The following SPOCK2 variants were observed in gnomAD, a reference collection of about 807,000 sequenced individuals.
The protein encoded by SPOCK2 is SPARC (osteonectin), cwcv and kazal like domains proteoglycan 2.
A neutral mutation model predicts 60.1 loss-of-function variants in SPOCK2; 39 were observed. The ratio of observed to expected loss-of-function variants is 0.65; its 90% CI spans 0.50 to 0.85. SPOCK2 has a LOEUF of 0.85. Ranked by LOEUF, SPOCK2 falls within the 40% of genes least tolerant of loss-of-function variation. The probability of loss-of-function intolerance (pLI) is 0.00; values close to 1 mark genes in which losing one functional copy is unlikely to be tolerated. For synonymous variants in SPOCK2, 217 were observed against 231.5 expected (o/e 0.94, Z 0.57); for missense variants, 523 against 567.4 (o/e 0.92, Z 0.80).
At chr10:72,074,380 T>G (rs1052759484) in intron 1 of SPOCK2, among the ~76,000 whole-genome samples, 4 of 151,260 alleles carry the variant, frequency 2.6e-5, no homozygotes, top group Admixed American at 2.6e-4. Flanking sequence ...GAGTGCATGC[T>G]TCTGCATGTG....
At chr10:72,073,047 G>A (rs1023113812) in intron 1 of SPOCK2, 137 bp from the exon 2 acceptor site, 10 of 1,216,336 alleles carry the variant, frequency 8.2e-6, no homozygotes, top group African/African-American at 4.5e-5. Flanking sequence ...AATGGCCTTC[G>A]ATGGCTGTGT....
At chr10:72,066,780 G>C in intron 8 of SPOCK2, 122 bp downstream of exon 8, 1 of 1,121,548 alleles carries the variant, frequency 8.9e-7, no homozygotes, top group Non-Finnish European at 1.3e-6. Flanking sequence ...GGGCAAGCTG[G>C]GAAAGTGCTG....
At chr10:72,064,706 T>C (rs1439314857) in intron 8 of SPOCK2, among the ~76,000 whole-genome samples, 1 of 152,162 alleles carries the variant, frequency 6.6e-6, no homozygotes, top group Non-Finnish European at 1.5e-5. Context: ...TTTTCTATGC[T>C]TAGTTATGTT....
rs1840511472 is a variant in SPOCK2 at position 72,062,810 on chromosome 10, C to T, written c.1225G>A (p.Glu409Lys). ...ETEEAGEEAEEEEGEAGEADD... is the reference protein window; with the variant it reads ...ETEEAGEEAEKEEGEAGEADD... The stretch of plus-strand genomic sequence containing the variant: ...GCCTCGCCTGCCTCGCCCTCCTCCT[C>T]CTCGGCCTCCTCGCCTGCTTCCTCC... The change falls in exon 11 of 11, where the codon GAG (glutamate) becomes AAG (lysine). Residue 409 changes from glutamate to lysine, a missense_variant. Transcript: ENST00000373109. This position sits in a 1 kb window ranked among gnomAD's most constrained non-coding sequence, Gnocchi z 4.3. The T allele has an allele frequency of 1.2e-6, 2 of 1,609,928 alleles. No homozygotes were observed. The highest frequency in any genetic ancestry group is 1.7e-5 in the Admixed American group (1 of 59,930).
chr10:72,081,145 G>A (rs1354841632), intron 1 of SPOCK2, among the ~76,000 whole-genome samples: 1 of 152,238 alleles, frequency 6.6e-6, no homozygotes, highest in Non-Finnish European at 1.5e-5. Flanking sequence ...GCCACAAGAG[G>A]AGTGGGGTTG....
At chr10:72,066,866 G>T (rs1018203877) in intron 8 of SPOCK2, 36 bp downstream of exon 8, 1 of 1,611,972 alleles carries the variant, frequency 6.2e-7, no homozygotes, top group Non-Finnish European at 8.5e-7. Flanking sequence ...AGCCCACACG[G>T]GTGAGGCAGG....
chr10:72,068,983 A>T (rs902682717), intron 5 of SPOCK2: 1 of 152,544 alleles, frequency 6.6e-6, no homozygotes, highest in Non-Finnish European at 1.5e-5. Flanking sequence ...AGCAGAGAAC[A>T]GCAAGGCGCA....
intron 1 of SPOCK2, among the ~76,000 whole-genome samples, chr10:72,081,378 A>G (rs1161538378): frequency 1.3e-5 from 2 of 152,178 alleles, no homozygotes; most frequent in Non-Finnish European, 2.9e-5. Context: ...GGCAGAGGTA[A>G]GACACCAGCT....
At position 72,062,440 on chromosome 10, in the gene SPOCK2, A is replaced by G; in HGVS notation, c.*320T>C. 1 of 380,118 alleles carries G rather than the reference A, an allele frequency of 2.6e-6. No individual in the cohort carries two copies. Among genetic ancestry groups the G allele is most frequent in the Non-Finnish European group, 4.7e-6 (1 of 213,788 alleles). The allele number at this position is 380,118 out of a possible 1,614,324, so 23.5% of individuals were successfully genotyped here. A position where few individuals can be genotyped will look rare whatever the true frequency, so the allele number is the denominator to read the frequency against. On this transcript the variant is annotated 3_prime_UTR_variant, in exon 11 of 11. Transcript: ENST00000373109. The surrounding 1 kb of genome is among the most constrained non-coding windows in gnomAD (Gnocchi z 4.3). The stretch of plus-strand genomic sequence containing the variant: ...TGAATGTATTTTAAAACCAACAACA[A>G]AAGGAAAGAAAACAGCTACAAGGAG...
Position 72,062,528 on chromosome 10 carries a change from CAG to C in SPOCK2, c.*230_*231del. The C allele has an allele frequency of 1.4e-6, 1 of 715,940 alleles. No individual in the cohort carries two copies. Among genetic ancestry groups the C allele is most frequent in the Non-Finnish European group, 2.1e-6 (1 of 474,608 alleles). The allele number at this position is 715,940 out of a possible 1,614,324, so 44.3% of individuals were successfully genotyped here. A position where few individuals can be genotyped will look rare whatever the true frequency, so the allele number is the denominator to read the frequency against. ...CAGTGTGGATCAAGGACACATTTGT[CAG>C]CGCATGCCACACACACACACACATA... On this transcript the variant is annotated 3_prime_UTR_variant, in exon 11 of 11. Transcript: ENST00000373109. The surrounding 1 kb of genome is among the most constrained non-coding windows in gnomAD (Gnocchi z 4.3).
intron 1 of SPOCK2, among the ~76,000 whole-genome samples, chr10:72,086,072 T>C (rs1319402767): frequency 6.6e-6 from 1 of 152,248 alleles, no homozygotes; most frequent in Admixed American, 6.5e-5. Flanking sequence ...GCCTTCTTTG[T>C]CCTACTTCTC....
At position 72,062,851 on chromosome 10, in the gene SPOCK2, T is replaced by C. The variant is rs1840512607; in HGVS notation, c.1184A>G (p.Glu395Gly). ...TGCTTCCTCCGTCTCCTTCTCCTCC[T>C]CATCCTCCCAGCCGACACCGCTTCC... ...DFGSGVGWED[E>G]EEKETEEAGE... Residue 395 changes from glutamate (E) to glycine (G), a missense_variant, in exon 11 of 11, where the codon GAG becomes GGG. Transcript: ENST00000373109. The surrounding 1 kb of genome is among the most constrained non-coding windows in gnomAD (Gnocchi z 4.3). 4 of 1,605,634 alleles carry C rather than the reference T, an allele frequency of 2.5e-6. No individual in the cohort carries two copies. In the African/African-American group the frequency reaches 4.0e-5, roughly 16 times the overall value.
In SPOCK2 at chr10:72,063,163, C is replaced by T; in HGVS notation, c.992-1G>A. ...TCGTCGCAGCTCGGGATGAAGATGC[C>T]TGAATGAGACAGTGCCAGGCAGGGT... is the stretch of plus-strand genomic sequence containing the variant. On this transcript the variant is annotated splice_acceptor_variant, in intron 9 of 10. Transcript: ENST00000373109. LOFTEE classifies it high-confidence loss of function. 1.3e-6 allele frequency: 2 copies of T among 1,556,082 alleles called. No homozygotes were observed. Among genetic ancestry groups the T allele is most frequent in the Non-Finnish European group, 1.7e-6 (2 of 1,149,458 alleles).
At chr10:72,070,176 G>T in intron 5 of SPOCK2, 136 bp downstream of exon 5, 1 of 759,490 alleles carries the variant, frequency 1.3e-6, no homozygotes, top group Non-Finnish European at 2.1e-6. Context: ...TGGCTGCATT[G>T]AACACACTGA....
intron 1 of SPOCK2, among the ~76,000 whole-genome samples, chr10:72,079,967 A>G (rs372194748): frequency 2.0e-5 from 3 of 152,234 alleles, no homozygotes; most frequent in African/African-American, 7.2e-5. Flanking sequence ...GAGCTGCAGA[A>G]GAACCCAGGC....
chr10:72,075,131 G>T (rs576127111), intron 1 of SPOCK2, among the ~76,000 whole-genome samples: 3 of 152,240 alleles, frequency 2.0e-5, no homozygotes, highest in South Asian at 2.1e-4. Flanking sequence ...CAGGGTTCAG[G>T]GGTCCTCTGC....
chr10:72,074,493 T>C (rs1047371299), intron 1 of SPOCK2, among the ~76,000 whole-genome samples: 1 of 152,256 alleles, frequency 6.6e-6, no homozygotes, highest in Non-Finnish European at 1.5e-5. Context: ...CATCCTCATT[T>C]ATGCACAGGT....
chr10:72,073,762 G>A (rs764848626), intron 1 of SPOCK2, among the ~76,000 whole-genome samples: 11 of 152,236 alleles, frequency 7.2e-5, no homozygotes, highest in African/African-American at 9.6e-5. Context: ...CCCGTGGACC[G>A]CAGAGTGGCC....
chr10:72,078,682 G>A (rs544926740), intron 1 of SPOCK2, among the ~76,000 whole-genome samples: 74 of 152,026 alleles, frequency 4.9e-4, no homozygotes, highest in Non-Finnish European at 9.1e-4. Context: ...TTCCTGCAAG[G>A]TTCCAGCATG....
Sources: allele counts gnomAD v4.1 joint callset (sites outside exome capture counted in the v4.1 genomes callset), GRCh38; gene constraint gnomAD v4.1.1; non-coding constraint Gnocchi (gnomAD v3.1); transcripts MANE v1.5; gene names NCBI Gene and HGNC (gene_info 2026-07-23, HGNC 2026-07-21).